Variants in PTPRG observed in about 807,000 individuals in gnomAD.
PTPRG encodes receptor-type tyrosine-protein phosphatase gamma.
PTPRG carries 102 observed loss-of-function variants against 165.3 expected under a neutral mutation model. That is an observed-to-expected ratio of 0.62 (90% CI 0.53 to 0.73). PTPRG has a LOEUF of 0.73. Ranked by LOEUF, PTPRG falls within the 30% of genes least tolerant of loss-of-function variation. The pLI is 0.00. For missense variants in PTPRG, 1,866 were observed against 1,861.4 expected (o/e 1.00, Z -0.05); for synonymous variants, 675 against 669.5 (o/e 1.01, Z -0.13).
chr3:62,262,839 G>A lies in PTPRG; in HGVS notation c.2601G>A (p.Glu867=), dbSNP rs768482375. ...CTGCTGATATGAACATCACTGCAGA[G>A]CATTCCAATCATCCAGAAAACAAGC... ...RCTADMNITA[E]HSNHPENKHK... The change falls in exon 17 of 30, where the codon GAG becomes GAA. Residue 867 remains glutamate (E), a synonymous_variant. Coordinates refer to ENST00000474889, the MANE Select transcript of PTPRG (RefSeq NM_002841.4). The A allele has an allele frequency of 1.9e-6, 3 of 1,613,964 alleles. No individual in the cohort carries two copies. Among genetic ancestry groups the A allele is most frequent in the Non-Finnish European group, 2.5e-6 (3 of 1,179,868 alleles).
chr3:61,589,394 T>A (rs540830794), intron 1 of PTPRG, among the ~76,000 whole-genome samples: 5 of 152,294 alleles, frequency 3.3e-5, no homozygotes, highest in Non-Finnish European at 7.4e-5. Context: ...TTGCATATAT[T>A]AATTTAATCT....
chr3:61,655,575 G>T (rs1423337900), intron 1 of PTPRG, among the ~76,000 whole-genome samples: 1 of 151,988 alleles, frequency 6.6e-6, no homozygotes, highest in Non-Finnish European at 1.5e-5. Context: ...TGTACTAATG[G>T]GTGGTTGCAT....
chr3:61,976,966 G>A lies in PTPRG; in HGVS notation c.191-12659G>A, dbSNP rs144798178. Among the ~76,000 whole-genome samples the A allele has an allele frequency of 3.9e-4, 60 of 152,146 alleles. No homozygotes were observed. In the East Asian group the frequency reaches 6.2e-3, roughly 16 times the overall value. ...GCTGCAATTACAGGTGTGAGCCACC[G>A]CGCCCAGCTTATAGGGGTCTTTTTC... On this transcript the variant is annotated intron_variant, in intron 2 of 29. Coordinates refer to ENST00000474889, the MANE Select transcript of PTPRG (RefSeq NM_002841.4).
chr3:61,742,864 A>G (rs1294945250), intron 1 of PTPRG: 5 of 1,561,888 alleles, frequency 3.2e-6, no homozygotes, highest in Admixed American at 1.7e-5. Flanking sequence ...CATGTGGGGG[A>G]TATCCACGGC....
chr3:61,634,394 C>T lies in PTPRG; in HGVS notation c.85+72022C>T, dbSNP rs550103892. Among the ~76,000 whole-genome samples the T allele has an allele frequency of 6.9e-3, 1,047 of 152,000 alleles. 9 individuals are homozygous for T. Among genetic ancestry groups the T allele is most frequent in the Non-Finnish European group, 0.012 (788 of 67,964 alleles). ...GCTGGGATACAGGTGCCTACCACCA[C>T]GCCCGGCTAATTTTTTTGTATTTTT... On this transcript the variant is annotated intron_variant, in intron 1 of 29. Coordinates refer to ENST00000474889, the MANE Select transcript of PTPRG (RefSeq NM_002841.4).
In PTPRG at chr3:62,252,217, C is replaced by T. The variant is rs1057007725; in HGVS notation, c.2468-2907C>T. Among the ~76,000 whole-genome samples, 1 of 152,100 alleles carries T rather than the reference C, an allele frequency of 6.6e-6. No individual in the cohort carries two copies. Among genetic ancestry groups the T allele is most frequent in the African/African-American group, 2.4e-5 (1 of 41,424 alleles). ...ACATAATTACACTGTTCTTGCTCTC[C>T]CTTGTGTTCATCTCTTCACCAACAC... On this transcript the variant is annotated intron_variant, in intron 15 of 29. Coordinates refer to ENST00000474889, the MANE Select transcript of PTPRG (RefSeq NM_002841.4). The surrounding 1 kb of genome is among the most constrained non-coding windows in gnomAD (Gnocchi z 4.6).
chr3:61,806,833 T>C (rs1370712343), intron 2 of PTPRG, among the ~76,000 whole-genome samples: 1 of 152,184 alleles, frequency 6.6e-6, no homozygotes, highest in Non-Finnish European at 1.5e-5. Flanking sequence ...GGAAATCAAA[T>C]GAACTGGGAT....
At chr3:61,754,355 G>A (rs779681701) in intron 2 of PTPRG, among the ~76,000 whole-genome samples, 5 of 152,216 alleles carry the variant, frequency 3.3e-5, no homozygotes, top group Non-Finnish European at 5.9e-5. Flanking sequence ...CCCTGGAGTA[G>A]AGTAGGTATT....
At chr3:62,286,883 T>C (rs1252670901) in intron 28 of PTPRG, among the ~76,000 whole-genome samples, 1 of 152,170 alleles carries the variant, frequency 6.6e-6, no homozygotes, top group Non-Finnish European at 1.5e-5. Context: ...CCTAAACTTT[T>C]GAAAGAGAAT....
At chr3:62,181,259 G>C (rs1021386228) in intron 8 of PTPRG, among the ~76,000 whole-genome samples, 3 of 152,162 alleles carry the variant, frequency 2.0e-5, no homozygotes, top group Non-Finnish European at 4.4e-5. Flanking sequence ...AGCAAATTCT[G>C]GCCTCGGCAG....
intron 5 of PTPRG, among the ~76,000 whole-genome samples, chr3:62,096,577 A>T (rs552458908): frequency 1.3e-5 from 2 of 152,296 alleles, no homozygotes; most frequent in African/African-American, 4.8e-5. Flanking sequence ...TATCTCTGCA[A>T]ATACAACTGG....
intron 2 of PTPRG, among the ~76,000 whole-genome samples, chr3:61,840,029 T>C (rs2036579298): frequency 1.3e-5 from 2 of 152,352 alleles, no homozygotes; most frequent in South Asian, 4.1e-4. Context: ...ATTTAGAGAA[T>C]ATAGCACACA....
At position 62,062,307 on chromosome 3, in the gene PTPRG, T is replaced by G. The variant is rs117368218; in HGVS notation, c.520-15856T>G. Reference sequence around the variant, plus strand: ...AAAGCGAAACTCCATCTCAAAAATTTAGTATGGGATTAAATGAATGGATAG... The same window carrying G: ...AAAGCGAAACTCCATCTCAAAAATTGAGTATGGGATTAAATGAATGGATAG... On this transcript the variant is annotated intron_variant, in intron 4 of 29. Transcript: ENST00000474889. Among the ~76,000 whole-genome samples the G allele has an allele frequency of 8.2e-4, 125 of 152,162 alleles. No homozygotes were observed. In the East Asian group the frequency reaches 0.019, roughly 23 times the overall value.
At position 62,149,080 on chromosome 3, in the gene PTPRG, C is replaced by T. The variant is rs9815139; in HGVS notation, c.683-7987C>T. On this transcript the variant is annotated intron_variant, in intron 6 of 29. Transcript: ENST00000474889. ...TTCCTTAAAATCATTTACTGTGAAG[C>T]CTTGCAGATGGCCCTACTTTGCAAA... Among the ~76,000 whole-genome samples, 1,479 of 152,266 alleles carry T rather than the reference C, an allele frequency of 9.7e-3. 26 individuals carry two copies. The highest frequency in any genetic ancestry group is 0.034 in the African/African-American group (1,410 of 41,556).
intron 2 of PTPRG, among the ~76,000 whole-genome samples, chr3:61,915,268 G>A (rs1046497430): frequency 2.0e-5 from 3 of 152,112 alleles, no homozygotes; most frequent in Non-Finnish European, 2.9e-5. Flanking sequence ...AAGTGGGCAA[G>A]ATTTTGAAAC....
At chr3:62,147,335 T>C (rs796407283) in intron 6 of PTPRG, among the ~76,000 whole-genome samples, 2 of 152,218 alleles carry the variant, frequency 1.3e-5, no homozygotes, top group South Asian at 4.1e-4. Context: ...ATGCTGCTGC[T>C]GCCTGGCCCT....
chr3:61,724,050 G>A (rs559843593), intron 1 of PTPRG, among the ~76,000 whole-genome samples: 2 of 152,062 alleles, frequency 1.3e-5, no homozygotes, highest in South Asian at 4.2e-4. Flanking sequence ...TGACCAATAT[G>A]GTGAAACCTT....
At chr3:61,788,517 A>G (rs925539255) in intron 2 of PTPRG, among the ~76,000 whole-genome samples, 3 of 152,214 alleles carry the variant, frequency 2.0e-5, no homozygotes, top group African/African-American at 7.2e-5. Context: ...AAATATTGCT[A>G]ATAGTACTGT....
chr3:61,659,248 G>A lies in PTPRG; in HGVS notation c.86-89630G>A, dbSNP rs76238262. Reference sequence around the variant, plus strand: ...GTCAGCCTGAATAGATGTTCTCAGGGCTTCATATAGGCATATACAATGTAT... The same window carrying A: ...GTCAGCCTGAATAGATGTTCTCAGGACTTCATATAGGCATATACAATGTAT... On this transcript the variant is annotated intron_variant, in intron 1 of 29. Transcript: ENST00000474889. The A allele has an allele frequency of 3.7e-3, 3,367 of 921,164 alleles. 75 individuals are homozygous for A. In the East Asian group the frequency reaches 0.065, roughly 18 times the overall value. The allele number at this position is 921,164 out of a possible 1,614,324, so 57.1% of individuals were successfully genotyped here.
Sources: allele counts gnomAD v4.1 joint callset (sites outside exome capture counted in the v4.1 genomes callset), GRCh38; gene constraint gnomAD v4.1.1; non-coding constraint Gnocchi (gnomAD v3.1); transcripts MANE v1.5; gene names NCBI Gene and HGNC (gene_info 2026-07-23, HGNC 2026-07-21).